Variants in MBOAT2 observed in about 807,000 individuals in gnomAD.
MBOAT2 encodes membrane-bound glycerophospholipid O-acyltransferase 2.
MBOAT2 carries 28 observed loss-of-function variants against 63.4 expected under a neutral mutation model. That is an observed-to-expected ratio of 0.44 (90% CI 0.33 to 0.61). The LOEUF is 0.61. Among genes scored for constraint, MBOAT2 ranks in the 20% least tolerant of loss-of-function variants. MBOAT2 has a pLI of 0.03. For missense variants in MBOAT2, 470 were observed against 605.8 expected (o/e 0.78, Z 2.35); for synonymous variants, 211 against 215.6 (o/e 0.98, Z 0.19).
intron 5 of MBOAT2, among the ~76,000 whole-genome samples, chr2:8,883,467 AAC>A (rs1193754572): frequency 6.6e-6 from 1 of 152,228 alleles, no homozygotes; most frequent in Admixed American, 6.5e-5. Flanking sequence ...AATTATGTAA[AAC>A]ACACATTTTA....
At position 9,003,659 on chromosome 2, in the gene MBOAT2, G is replaced by A; in HGVS notation, c.-45C>T. ...GGCCGCCCGCGCCGCTCGCCCGCTC[G>A]CGCTGTGCCGGGCGACGACGAGGAT... On this transcript the variant is annotated 5_prime_UTR_variant, in exon 1 of 13. Coordinates refer to ENST00000305997, the MANE Select transcript of MBOAT2 (RefSeq NM_138799.4). This position sits in a 1 kb window ranked among gnomAD's most constrained non-coding sequence, Gnocchi z 5.4. The A allele has an allele frequency of 1.8e-6, 2 of 1,108,942 alleles. No homozygotes were observed. Among genetic ancestry groups the A allele is most frequent in the Non-Finnish European group, 2.2e-6 (2 of 906,898 alleles). 68.7% of individuals were successfully genotyped at this position (1,108,942 alleles called of 1,614,324 possible).
chr2:8,915,466 T>C (rs565744949), intron 3 of MBOAT2, among the ~76,000 whole-genome samples: 1 of 152,212 alleles, frequency 6.6e-6, no homozygotes, highest in African/African-American at 2.4e-5. Context: ...TTTAATGACA[T>C]TGTTGAGCTG....
chr2:8,972,264 C>T (rs973761081), intron 1 of MBOAT2, among the ~76,000 whole-genome samples: 13 of 151,404 alleles, frequency 8.6e-5, no homozygotes, highest in Middle Eastern at 3.4e-3. Flanking sequence ...ACAAGAAATG[C>T]GGAAAGGATT....
intron 1 of MBOAT2, among the ~76,000 whole-genome samples, chr2:8,995,275 C>T (rs185806744): frequency 6.6e-6 from 1 of 152,314 alleles, no homozygotes; most frequent in African/African-American, 2.4e-5. Context: ...GGCTCTCTCA[C>T]AGAGTAGGCC....
At chr2:8,879,075 CAAAAAAAAAAAA>C (rs58971939) in intron 6 of MBOAT2, among the ~76,000 whole-genome samples, 1 of 58,970 alleles carries the variant, frequency 1.7e-5, no homozygotes, top group African/African-American at 6.1e-5. Flanking sequence ...GACTCCGTCT[CAAAAAAAAAAAA>C]AAAAAAAAAT....
intron 8 of MBOAT2, among the ~76,000 whole-genome samples, chr2:8,870,057 T>C (rs550887436): frequency 2.5e-4 from 38 of 152,340 alleles, no homozygotes; most frequent in African/African-American, 8.9e-4. Context: ...GCCTAATCTT[T>C]ACCTCAGGTA....
intron 2 of MBOAT2, among the ~76,000 whole-genome samples, chr2:8,944,100 T>C (rs1668246118): frequency 6.6e-6 from 1 of 152,182 alleles, no homozygotes; most frequent in Non-Finnish European, 1.5e-5. Context: ...CCTGACCTCG[T>C]GATCTGCCCA....
At chr2:8,910,834 GAA>G (rs1665661312) in intron 3 of MBOAT2, among the ~76,000 whole-genome samples, 2 of 152,200 alleles carry the variant, frequency 1.3e-5, no homozygotes, top group South Asian at 2.1e-4. Context: ...AGTTCAAAAT[GAA>G]AAGAGATGTT....
intron 1 of MBOAT2, among the ~76,000 whole-genome samples, chr2:9,002,399 G>A (rs544955445): frequency 2.6e-5 from 4 of 152,192 alleles, no homozygotes; most frequent in Non-Finnish European, 4.4e-5. Context: ...TGCTGCTATG[G>A]AAAGCCGTCT....
chr2:8,902,974 A>C (rs971984384), intron 4 of MBOAT2, among the ~76,000 whole-genome samples: 1 of 152,086 alleles, frequency 6.6e-6, no homozygotes, highest in Admixed American at 6.5e-5. Flanking sequence ...CATTTTACAG[A>C]GTGCTGATTG....
intron 1 of MBOAT2, among the ~76,000 whole-genome samples, chr2:8,977,521 G>A (rs188645555): frequency 2.4e-4 from 36 of 152,188 alleles, no homozygotes; most frequent in African/African-American, 8.4e-4. Context: ...TTTTGGAAAG[G>A]AGGACCTTAA....
intron 3 of MBOAT2, among the ~76,000 whole-genome samples, chr2:8,912,407 GAAAGAAAGA>G (rs1207007360): frequency 2.7e-4 from 40 of 147,098 alleles, no homozygotes; most frequent in Middle Eastern, 3.5e-3. Context: ...AAGAAAGAAA[GAAAGAAAGA>G]CAGGCCGGCC....
intron 1 of MBOAT2, among the ~76,000 whole-genome samples, chr2:8,989,754 C>G (rs1671799386): frequency 6.6e-6 from 1 of 152,238 alleles, no homozygotes; most frequent in African/African-American, 2.4e-5. Flanking sequence ...TCTCTAGCAA[C>G]TACAACTATC....
At chr2:8,970,440 C>T (rs1187998272) in intron 1 of MBOAT2, among the ~76,000 whole-genome samples, 1 of 152,044 alleles carries the variant, frequency 6.6e-6, no homozygotes, top group Non-Finnish European at 1.5e-5. Flanking sequence ...AATTGACACC[C>T]TAACATCACA....
chr2:8,977,105 T>C (rs1406438650), intron 1 of MBOAT2, among the ~76,000 whole-genome samples: 1 of 152,176 alleles, frequency 6.6e-6, no homozygotes, highest in African/African-American at 2.4e-5. Flanking sequence ...CAGATATGTC[T>C]ATCATCTTTA....
intron 1 of MBOAT2, among the ~76,000 whole-genome samples, chr2:8,968,564 G>A (rs1670185841): frequency 6.6e-6 from 1 of 152,190 alleles, no homozygotes; most frequent in Non-Finnish European, 1.5e-5. Flanking sequence ...GAAGGCTTCA[G>A]ACGATCAAAC....
At chr2:8,945,347 C>A (rs558683078) in intron 2 of MBOAT2, among the ~76,000 whole-genome samples, 1 of 152,134 alleles carries the variant, frequency 6.6e-6, no homozygotes, top group Non-Finnish European at 1.5e-5. Flanking sequence ...CTGAGCTACT[C>A]TGCTTGTTCT....
chr2:8,934,967 T>C (rs1378893653), intron 3 of MBOAT2, among the ~76,000 whole-genome samples: 1 of 152,128 alleles, frequency 6.6e-6, no homozygotes, highest in Admixed American at 6.5e-5. Context: ...AGGAAGCCAC[T>C]GTAGGAGTGC....
chr2:8,902,611 T>C (rs2148578229), intron 4 of MBOAT2, among the ~76,000 whole-genome samples: 1 of 152,156 alleles, frequency 6.6e-6, no homozygotes, highest in Non-Finnish European at 1.5e-5. Flanking sequence ...GGGTTCGTGG[T>C]CTCACTGACT....
Sources: allele counts gnomAD v4.1 joint callset (sites outside exome capture counted in the v4.1 genomes callset), GRCh38; gene constraint gnomAD v4.1.1; non-coding constraint Gnocchi (gnomAD v3.1); transcripts MANE v1.5; gene names NCBI Gene and HGNC (gene_info 2026-07-23, HGNC 2026-07-21).